The following HTR4 variants were observed in gnomAD, a reference collection of about 807,000 sequenced individuals.
HTR4 encodes 5-hydroxytryptamine (serotonin) receptor 4, G protein-coupled.
Under a neutral mutation model 36.8 loss-of-function variants are expected in HTR4, and 16 were observed. The observed-to-expected ratio is 0.43, with a 90% CI of 0.29 to 0.66. HTR4 has a LOEUF of 0.66. Among genes scored for constraint, HTR4 ranks in the 30% least tolerant of loss-of-function variants. HTR4 has a pLI of 0.13. For missense variants in HTR4, 438 were observed against 490.9 expected (o/e 0.89, Z 1.02); for synonymous variants, 189 against 185.1 (o/e 1.02, Z -0.17).
chr5:148,594,356 GTGT>G (rs1429074006), intron 2 of HTR4, among the ~76,000 whole-genome samples: 74 of 71,446 alleles, frequency 1.0e-3, no homozygotes, highest in African/African-American at 3.3e-3. Flanking sequence ...GGTTTCGTGT[GTGT>G]GTGTGTGTGT....
rs1755199536 is a variant in HTR4, at chr5:148,459,094, G to C, written c.1077-7822C>G. ...AGTTGGATTCAGGATATAGCTTCAA[G>C]GTAGAGCTGACAGGATCTGCTGATG... On this transcript the variant is annotated intron_variant, in intron 5 of 5. Coordinates refer to the HTR4 transcript ENST00000521530. Among the ~76,000 whole-genome samples the C allele has an allele frequency of 2.6e-5, 4 of 152,176 alleles. No homozygotes were observed. The South Asian group carries it at 8.3e-4, about 32-fold the overall frequency.
chr5:148,605,107 T>A (rs751984190), intron 2 of HTR4, among the ~76,000 whole-genome samples: 1 of 152,112 alleles, frequency 6.6e-6, no homozygotes, highest in Non-Finnish European at 1.5e-5. Context: ...ACAGCTCGTG[T>A]TGGCTCAGCT....
At position 148,622,273 on chromosome 5, in the gene HTR4, G is replaced by A. The variant is rs572664618; in HGVS notation, c.26+14716C>T. The stretch of plus-strand genomic sequence containing the variant: ...CTAAATATTACCATTTACTGGATTT[G>A]CCTGATGCTAACTGTGTGTTATAAA... On this transcript the variant is annotated intron_variant, in intron 2 of 6. Coordinates refer to ENST00000377888, the MANE Select transcript of HTR4 (RefSeq NM_000870.7). Among the ~76,000 whole-genome samples, 11 of 152,256 alleles carry A rather than the reference G, an allele frequency of 7.2e-5. No homozygotes were observed. The South Asian group carries it at 2.3e-3, about 32-fold the overall frequency.
At chr5:148,476,731 C>G (rs752654692), downstream of HTR4, 1 of 1,613,474 alleles carries the variant, frequency 6.2e-7, no homozygotes, top group East Asian at 2.2e-5. Context: ...CCACAGTCCT[C>G]AAGGAGCTCA....
At chr5:148,520,903 A>T in intron 5 of HTR4, 1 of 1,367,762 alleles carries the variant, frequency 7.3e-7, no homozygotes, top group Non-Finnish European at 9.8e-7. Flanking sequence ...AATCCTAAGG[A>T]ATACTTGTTC....
At chr5:148,607,682 C>T (rs1752237640) in intron 2 of HTR4, among the ~76,000 whole-genome samples, 1 of 152,108 alleles carries the variant, frequency 6.6e-6, no homozygotes, top group South Asian at 2.1e-4. Flanking sequence ...TAGTTCATCA[C>T]AGGAAACATG....
intron 2 of HTR4, among the ~76,000 whole-genome samples, chr5:148,596,477 TTCCCGTTG>T (rs1761777827): frequency 6.6e-6 from 1 of 152,130 alleles, no homozygotes; most frequent in African/African-American, 2.4e-5. Flanking sequence ...TATCCCCCCA[TTCCCGTTG>T]TCTCTAGCTC....
chr5:148,549,085 G>C (rs1190751906), intron 3 of HTR4, among the ~76,000 whole-genome samples: 1 of 152,164 alleles, frequency 6.6e-6, no homozygotes, highest in African/African-American at 2.4e-5. Context: ...GCGTGGTCCA[G>C]CCTCTCCTGA....
chr5:148,535,917 C>T (rs911852155), intron 4 of HTR4, among the ~76,000 whole-genome samples: 2 of 151,810 alleles, frequency 1.3e-5, no homozygotes, highest in African/African-American at 4.8e-5. Flanking sequence ...GAAGACCATC[C>T]CCAAGACACA....
At chr5:148,529,206 T>A (rs543437143) in intron 4 of HTR4, among the ~76,000 whole-genome samples, 2 of 152,048 alleles carry the variant, frequency 1.3e-5, no homozygotes, top group South Asian at 4.2e-4. Context: ...TTGGAAACAA[T>A]CAAAACATGA....
At chr5:148,618,117 G>A (rs1355655463) in intron 2 of HTR4, among the ~76,000 whole-genome samples, 1 of 152,156 alleles carries the variant, frequency 6.6e-6, no homozygotes, top group Non-Finnish European at 1.5e-5. Context: ...TTTAGTCCCA[G>A]GAGTCACTCT....
intron 2 of HTR4, among the ~76,000 whole-genome samples, chr5:148,596,274 T>A (rs1323591461): frequency 6.6e-6 from 1 of 152,198 alleles, no homozygotes; most frequent in African/African-American, 2.4e-5. Context: ...TTTTTACAAA[T>A]TTAAATGTTG....
intron 2 of HTR4, among the ~76,000 whole-genome samples, chr5:148,566,155 G>A (rs768428140): frequency 2.1e-4 from 32 of 152,100 alleles, no homozygotes; most frequent in Non-Finnish European, 3.8e-4. Flanking sequence ...TTAATACACA[G>A]CCATTGAAAT....
intron 2 of HTR4, among the ~76,000 whole-genome samples, chr5:148,614,801 C>A (rs1256560063): frequency 1.3e-5 from 2 of 152,140 alleles, no homozygotes; most frequent in Non-Finnish European, 1.5e-5. Context: ...GGGCTAATAT[C>A]CAGAATCTAC....
intron 2 of HTR4, among the ~76,000 whole-genome samples, chr5:148,617,057 C>A (rs1394126679): frequency 6.6e-6 from 1 of 152,212 alleles, no homozygotes; most frequent in Non-Finnish European, 1.5e-5. Context: ...TTTGTCCCCT[C>A]TAAATCTTAT....
At position 148,458,273 on chromosome 5, in the gene HTR4, A is replaced by C. The variant is rs79108750; in HGVS notation, c.1077-7001T>G. ...CAAAAGCCAGAGCTCTGTTAGCTGG[A>C]AACAAAGATTTTACAGTTGGTATTT... On this transcript the variant is annotated intron_variant, in intron 5 of 5. Transcript: ENST00000521530. 5.5e-3 allele frequency among the ~76,000 whole-genome samples: 839 copies of C among 151,744 alleles called. 33 individuals are homozygous for C. In the East Asian group the frequency reaches 0.1, roughly 19 times the overall value.
At chr5:148,468,874 C>T (rs1439455320) in intron 5 of HTR4, among the ~76,000 whole-genome samples, 1 of 152,098 alleles carries the variant, frequency 6.6e-6, no homozygotes, top group Non-Finnish European at 1.5e-5. Context: ...TGTGAGTTCT[C>T]ATGAGATCTG....
chr5:148,457,958 T>TA (rs1554084789), intron 5 of HTR4, among the ~76,000 whole-genome samples: 2 of 133,182 alleles, frequency 1.5e-5, no homozygotes, highest in East Asian at 2.1e-4. Flanking sequence ...ATTAAATATA[T>TA]ATTAAAATAT....
chr5:148,555,458 T>A (rs1265262862), intron 2 of HTR4, among the ~76,000 whole-genome samples: 2 of 152,246 alleles, frequency 1.3e-5, no homozygotes, highest in Non-Finnish European at 2.9e-5. Flanking sequence ...GAGCAAAATT[T>A]AAGCATAGAA....
Sources: allele counts gnomAD v4.1 joint callset (sites outside exome capture counted in the v4.1 genomes callset), GRCh38; gene constraint gnomAD v4.1.1; transcripts MANE v1.5; gene names NCBI Gene and HGNC (gene_info 2026-07-23, HGNC 2026-07-21).